Variants in CORIN observed in about 807,000 individuals in gnomAD.
The protein encoded by CORIN is atrial natriuretic peptide-converting enzyme.
CORIN carries 117 observed loss-of-function variants against 125.3 expected under a neutral mutation model. The observed-to-expected ratio is 0.93, with a 90% CI of 0.80 to 1.09. The LOEUF (loss-of-function observed/expected upper bound fraction) is 1.09. CORIN is among the 50% of genes least tolerant of loss of function. CORIN has a pLI of 0.00. For missense variants in CORIN, 1,253 were observed against 1,306.7 expected (o/e 0.96, Z 0.63); for synonymous variants, 450 against 466.4 (o/e 0.96, Z 0.45).
chr4:47,686,137 C>T (rs1725507028), intron 6 of CORIN, among the ~76,000 whole-genome samples: 1 of 150,160 alleles, frequency 6.7e-6, no homozygotes. Context: ...CTTACATATA[C>T]ATGAATCATA....
chr4:47,618,716 G>A (rs537595726), intron 19 of CORIN, among the ~76,000 whole-genome samples: 2 of 152,178 alleles, frequency 1.3e-5, no homozygotes, highest in South Asian at 4.1e-4. Flanking sequence ...CTACTCGGGA[G>A]GCTGAGGCAG....
chr4:47,674,361 T>C (rs374078735), intron 10 of CORIN, 32 bp downstream of exon 10: 9 of 1,389,418 alleles, frequency 6.5e-6, no homozygotes, highest in Non-Finnish European at 8.2e-6. Context: ...TGCCCTGACA[T>C]GGCTATTGCA....
chr4:47,738,716 C>G (rs1728246182), intron 5 of CORIN, among the ~76,000 whole-genome samples: 1 of 152,134 alleles, frequency 6.6e-6, no homozygotes, highest in African/African-American at 2.4e-5. Context: ...TCAACAAAAA[C>G]TGTTCCTGAG....
chr4:47,781,347 T>A (rs1343719544), intron 3 of CORIN, among the ~76,000 whole-genome samples: 2 of 152,198 alleles, frequency 1.3e-5, no homozygotes, highest in Non-Finnish European at 2.9e-5. Context: ...TGACACACAT[T>A]TAATAGAAAC....
intron 5 of CORIN, among the ~76,000 whole-genome samples, chr4:47,721,642 C>T (rs1727356719): frequency 6.6e-6 from 1 of 152,140 alleles, no homozygotes; most frequent in Non-Finnish European, 1.5e-5. Context: ...GTTACGGTTT[C>T]AGCATGTAAA....
rs1724207599 is a variant in CORIN at position 47,660,749 on chromosome 4, A to G, written c.1735+962T>C. Among the ~76,000 whole-genome samples the G allele has an allele frequency of 4.6e-5, 7 of 152,364 alleles. No homozygotes were observed. The South Asian group carries it at 1.4e-3, about 32-fold the overall frequency. On this transcript the variant is annotated intron_variant, in intron 12 of 21. Coordinates refer to ENST00000273857, the MANE Select transcript of CORIN (RefSeq NM_006587.4). ...GGTGAGAATGCAAATTGGTACAACC[A>G]CTAGGGAGAACAATTTAGAGGCTTC...
At chr4:47,809,450 G>C (rs1301756708) in intron 1 of CORIN, among the ~76,000 whole-genome samples, 1 of 144,958 alleles carries the variant, frequency 6.9e-6, no homozygotes, top group Non-Finnish European at 1.5e-5. Context: ...TGTTGCCCAG[G>C]CTGGAGTGCA....
chr4:47,647,956 C>T (rs1723560640), intron 13 of CORIN, among the ~76,000 whole-genome samples: 1 of 152,158 alleles, frequency 6.6e-6, no homozygotes, highest in Non-Finnish European at 1.5e-5. Context: ...AAGGAATACT[C>T]CATAAGCATT....
intron 5 of CORIN, 108 bp downstream of exon 5, chr4:47,744,294 C>A: frequency 1.9e-6 from 2 of 1,052,032 alleles, no homozygotes; most frequent in Admixed American, 2.4e-5. Flanking sequence ...GATCTTGTCA[C>A]TTGGTTAAAA....
intron 5 of CORIN, among the ~76,000 whole-genome samples, chr4:47,698,873 CA>C (rs1209956423): frequency 6.6e-6 from 1 of 152,168 alleles, no homozygotes; most frequent in Non-Finnish European, 1.5e-5. Flanking sequence ...TTTACATACA[CA>C]AATGCTTATT....
intron 1 of CORIN, among the ~76,000 whole-genome samples, chr4:47,808,130 T>C (rs1367599831): frequency 3.3e-5 from 5 of 152,194 alleles, no homozygotes; most frequent in Non-Finnish European, 7.3e-5. Flanking sequence ...CTAGTTCTTC[T>C]CCTGACTTTC....
chr4:47,736,307 A>G (rs1005075024), intron 5 of CORIN, among the ~76,000 whole-genome samples: 1 of 152,176 alleles, frequency 6.6e-6, no homozygotes, highest in South Asian at 2.1e-4. Flanking sequence ...ACAAACTTCC[A>G]TTTCTGGCCA....
At chr4:47,655,158 A>C (rs921378977) in intron 12 of CORIN, among the ~76,000 whole-genome samples, 11 of 150,682 alleles carry the variant, frequency 7.3e-5, no homozygotes, top group African/African-American at 2.7e-4. Flanking sequence ...GGCCCTGAAT[A>C]ATCAGTAGCA....
At chr4:47,767,983 T>G (rs1560540080) in intron 3 of CORIN, among the ~76,000 whole-genome samples, 1 of 152,140 alleles carries the variant, frequency 6.6e-6, no homozygotes, top group Non-Finnish European at 1.5e-5. Flanking sequence ...CAAGTATACA[T>G]CCAGATGGCC....
intron 5 of CORIN, 114 bp from the exon 6 acceptor site, chr4:47,693,197 C>A: frequency 1.4e-6 from 1 of 703,818 alleles, no homozygotes; most frequent in Non-Finnish European, 2.4e-6. Context: ...GATTTGTTTC[C>A]AAATTCCCTC....
chr4:47,832,380 A>G (rs959866184), intron 1 of CORIN, among the ~76,000 whole-genome samples: 3 of 151,972 alleles, frequency 2.0e-5, no homozygotes, highest in Non-Finnish European at 4.4e-5. Context: ...AAGAAAAAGA[A>G]GCAAATAGAG....
intron 5 of CORIN, among the ~76,000 whole-genome samples, chr4:47,693,414 A>G (rs1023686092): frequency 1.2e-4 from 18 of 152,354 alleles, no homozygotes; most frequent in Admixed American, 3.3e-4. Context: ...CAATGGGTGT[A>G]TCTTTCTAAA....
At chr4:47,693,786 A>G (rs1725870838) in intron 5 of CORIN, among the ~76,000 whole-genome samples, 1 of 152,196 alleles carries the variant, frequency 6.6e-6, no homozygotes, top group Non-Finnish European at 1.5e-5. Context: ...TAAGTATTCC[A>G]CTGCTTCAAA....
Position 47,623,563 on chromosome 4 carries a change from C to G in CORIN, c.2540+8G>C. 1 of 1,612,924 alleles carries G rather than the reference C, an allele frequency of 6.2e-7. No homozygotes were observed. Among genetic ancestry groups the G allele is most frequent in the Middle Eastern group, 1.7e-4 (1 of 6,052 alleles). On this transcript the variant is annotated splice_region_variant and intron_variant, in intron 19 of 21. Transcript: ENST00000273857. ...CAGGCAAAGGAAAAAAGGAAAGGTG[C>G]AGCTTACCCCTCGAAGCAGTGGGCA... is the stretch of plus-strand genomic sequence containing the variant.
Sources: gnomAD v4.1 joint callset for allele counts (sites outside exome capture counted in the v4.1 genomes callset) on GRCh38, gnomAD v4.1.1 for gene constraint, MANE v1.5 for transcripts, NCBI Gene and HGNC (gene_info 2026-07-23, HGNC 2026-07-21) for gene names.